Variants in SMCO4 observed in about 807,000 individuals in gnomAD.
SMCO4 encodes the protein single-pass membrane protein with coiled-coil domains 4.
A neutral mutation model predicts 3.6 loss-of-function variants in SMCO4; 4 were observed. The ratio of observed to expected loss-of-function variants is 1.11; its 90% CI spans 0.54 to 2.53. The LOEUF (loss-of-function observed/expected upper bound fraction) is 2.53, where lower values mean the gene tolerates loss of function less well. SMCO4 is among the 30% of genes most tolerant of loss of function. SMCO4 has a pLI of 0.02. For synonymous variants in SMCO4, 36 were observed against 35.3 expected, an observed-to-expected ratio of 1.02 and a Z score of -0.07; for missense variants, 70 against 80.8, an observed-to-expected ratio of 0.87 and a Z score of 0.51.
At chr11:93,526,108 C>T (rs1451400815) in intron 1 of SMCO4, among the ~76,000 whole-genome samples, 2 of 152,074 alleles carry the variant, frequency 1.3e-5, no homozygotes, top group African/African-American at 4.8e-5. Context: ...TACATATCTT[C>T]CCATAAAACA....
At chr11:93,525,726 A>G (rs1168686147) in intron 1 of SMCO4, among the ~76,000 whole-genome samples, 1 of 152,190 alleles carries the variant, frequency 6.6e-6, no homozygotes, top group African/African-American at 2.4e-5. Flanking sequence ...CAGCCCAGTC[A>G]TACTCAATTC....
At chr11:93,515,072 G>A (rs1948996789) in intron 1 of SMCO4, among the ~76,000 whole-genome samples, 1 of 152,140 alleles carries the variant, frequency 6.6e-6, no homozygotes, top group Non-Finnish European at 1.5e-5. Flanking sequence ...CTGACCTGGA[G>A]GCAATACTCT....
the SMCO4 span, among the ~76,000 whole-genome samples, chr11:93,548,733 CACAA>C: frequency 1.3e-5 from 2 of 152,080 alleles, no homozygotes; most frequent in African/African-American, 4.8e-5. Context: ...GGAGAAAACA[CACAA>C]ACAAAGCAAG....
chr11:93,513,418 TG>T (rs959899124), intron 1 of SMCO4, among the ~76,000 whole-genome samples: 5 of 152,216 alleles, frequency 3.3e-5, no homozygotes, highest in East Asian at 1.9e-4. Flanking sequence ...TGTTAAATGA[TG>T]GGGGGGAACC....
At chr11:93,540,970 T>C (rs1031139778) in intron 1 of SMCO4, among the ~76,000 whole-genome samples, 2 of 152,184 alleles carry the variant, frequency 1.3e-5, no homozygotes, top group African/African-American at 4.8e-5. Context: ...AGAGAACCAC[T>C]AACTGCAGCT....
At chr11:93,501,993 C>T (rs1469997778) in intron 1 of SMCO4, among the ~76,000 whole-genome samples, 1 of 151,924 alleles carries the variant, frequency 6.6e-6, no homozygotes, top group Non-Finnish European at 1.5e-5. Context: ...CTGCAATGGG[C>T]ACCACCAAGA....
intron 1 of SMCO4, among the ~76,000 whole-genome samples, chr11:93,525,280 T>A (rs528554883): frequency 6.6e-6 from 1 of 152,208 alleles, no homozygotes; most frequent in African/African-American, 2.4e-5. Flanking sequence ...CCACTGATTC[T>A]CAGGTCTTTT....
chr11:93,480,085 G>A (rs1948574192), intron 2 of SMCO4, among the ~76,000 whole-genome samples: 1 of 152,252 alleles, frequency 6.6e-6, no homozygotes, highest in African/African-American at 2.4e-5. Flanking sequence ...GATAACTACA[G>A]AGGAACATCT....
At chr11:93,511,905 TG>T (rs1245244469) in intron 1 of SMCO4, among the ~76,000 whole-genome samples, 1 of 152,230 alleles carries the variant, frequency 6.6e-6, no homozygotes, top group Admixed American at 6.5e-5. Flanking sequence ...ATTTTCATTT[TG>T]TAAACATGAC....
intron 2 of SMCO4, among the ~76,000 whole-genome samples, chr11:93,480,797 T>C (rs1003932649): frequency 1.3e-5 from 2 of 152,188 alleles, no homozygotes; most frequent in African/African-American, 2.4e-5. Context: ...AAGGTCTTAC[T>C]GACACCATCC....
At chr11:93,527,771 A>T (rs1949122932) in intron 1 of SMCO4, among the ~76,000 whole-genome samples, 1 of 152,104 alleles carries the variant, frequency 6.6e-6, no homozygotes, top group African/African-American at 2.4e-5. Context: ...TAAAAAAGCA[A>T]TTTTTACGTA....
chr11:93,532,127 A>C (rs1332501812), intron 1 of SMCO4, among the ~76,000 whole-genome samples: 1 of 151,844 alleles, frequency 6.6e-6, no homozygotes, highest in East Asian at 1.9e-4. Flanking sequence ...TGTCAAAATA[A>C]ACTCCCTAAA....
chr11:93,544,429 A>G (rs1949299842), upstream of SMCO4, among the ~76,000 whole-genome samples: 2 of 152,192 alleles, frequency 1.3e-5, no homozygotes, highest in Admixed American at 1.3e-4. Flanking sequence ...CGGTAAAAAT[A>G]TAACAAGTCT....
intron 1 of SMCO4, among the ~76,000 whole-genome samples, chr11:93,532,479 C>T (rs917255609): frequency 2.6e-5 from 4 of 152,214 alleles, no homozygotes; most frequent in African/African-American, 4.8e-5. Flanking sequence ...TAGACTTGGA[C>T]GGAGTCCCGC....
Position 93,479,285 on chromosome 11 carries a change from C to T in SMCO4, c.-80-16G>A, listed in dbSNP as rs567754866. ...CTGGAACCTCCTGTAGAGAGAACAA[C>T]TGTGATAGTAGAGAATAAACCAAAT... On this transcript the variant is annotated splice_polypyrimidine_tract_variant and intron_variant, in intron 2 of 2. Transcript: ENST00000298966. 3.3e-6 allele frequency: 5 copies of T among 1,503,108 alleles called. No individual in the cohort carries two copies. Among genetic ancestry groups the T allele is most frequent in the East Asian group, 4.6e-5 (2 of 43,716 alleles). The allele number at this position is 1,503,108 out of a possible 1,614,324, so 93.1% of individuals were successfully genotyped here. A position where few individuals can be genotyped will look rare whatever the true frequency, so the allele number is the denominator to read the frequency against.
intron 1 of SMCO4, among the ~76,000 whole-genome samples, chr11:93,509,591 G>C (rs1159637103): frequency 6.6e-6 from 1 of 152,316 alleles, no homozygotes; most frequent in East Asian, 1.9e-4. Context: ...TCAACGAGTG[G>C]ATAAAGAAAC....
chr11:93,497,103 C>A (rs980354972), intron 2 of SMCO4, among the ~76,000 whole-genome samples: 2 of 152,196 alleles, frequency 1.3e-5, no homozygotes, highest in Admixed American at 6.5e-5. Context: ...AGAATAGAAG[C>A]TGGTTTTTTA....
At chr11:93,495,976 G>A (rs1948767848) in intron 2 of SMCO4, among the ~76,000 whole-genome samples, 1 of 152,180 alleles carries the variant, frequency 6.6e-6, no homozygotes, top group African/African-American at 2.4e-5. Context: ...ACAACAACAT[G>A]GTGCCAACAA....
intron 1 of SMCO4, among the ~76,000 whole-genome samples, chr11:93,506,732 C>T (rs933996579): frequency 3.3e-5 from 5 of 152,174 alleles, no homozygotes; most frequent in Admixed American, 6.5e-5. Context: ...TGAGCCACCA[C>T]GCCTGTCCTT....
Sources: gnomAD v4.1 joint callset for allele counts (sites outside exome capture counted in the v4.1 genomes callset) on GRCh38, gnomAD v4.1.1 for gene constraint, MANE v1.5 for transcripts, NCBI Gene and HGNC (gene_info 2026-07-23, HGNC 2026-07-21) for gene names.